The following PIAS1 variants were observed in gnomAD, a reference collection of about 807,000 sequenced individuals.
PIAS1 encodes E3 SUMO-protein ligase PIAS1.
Under a neutral mutation model 71.3 loss-of-function variants are expected in PIAS1, and 6 were observed. The ratio of observed to expected loss-of-function variants is 0.08; its 90% CI spans 0.05 to 0.17. The LOEUF (loss-of-function observed/expected upper bound fraction) is 0.17, where lower values mean the gene tolerates loss of function less well. Ranked by LOEUF, PIAS1 falls within the 10% of genes least tolerant of loss-of-function variation. The pLI, the probability that PIAS1 is intolerant of heterozygous loss-of-function variation, is 1.00. For missense variants in PIAS1, 555 were observed against 793.6 expected (o/e 0.70, Z 3.61); for synonymous variants, 303 against 292.9 (o/e 1.03, Z -0.35).
chr15:68,146,150 G>A (rs2092806447), intron 5 of PIAS1, among the ~76,000 whole-genome samples: 1 of 152,096 alleles, frequency 6.6e-6, no homozygotes, highest in Non-Finnish European at 1.5e-5. Flanking sequence ...TTGGGGCGAA[G>A]TTTTTTCAAC....
At chr15:68,109,115 T>C (rs2092499621) in intron 2 of PIAS1, among the ~76,000 whole-genome samples, 1 of 152,234 alleles carries the variant, frequency 6.6e-6, no homozygotes, top group Admixed American at 6.5e-5. Flanking sequence ...GTCTACTTGC[T>C]GTTTCTCAGA....
rs71455574 is a variant in PIAS1, at chr15:68,088,176, G to GTATATATATATATATATATATATA, written c.469+1428_469+1451dup. Among the ~76,000 whole-genome samples, 105 of 72,932 alleles carry GTATATATATATATATATATATATA rather than the reference G, an allele frequency of 1.4e-3. 3 individuals carry two copies. The highest frequency in any genetic ancestry group is 2.9e-3 in the East Asian group (4 of 1,370). 47.8% of individuals were successfully genotyped at this position (72,932 alleles called of 152,430 possible). ...TTCTTGTCTGTCTGATTATGTGTGT[G>GTATATATATATATATATATATATA]TATATATATATATATATATATATAT... On this transcript the variant is annotated intron_variant, in intron 2 of 13. Coordinates refer to ENST00000249636, the MANE Select transcript of PIAS1 (RefSeq NM_016166.3).
Position 68,167,871 on chromosome 15 carries a change from A to G in PIAS1, c.1008+3067A>G, listed in dbSNP as rs1431065332. On this transcript the variant is annotated intron_variant, in intron 8 of 13. Coordinates refer to ENST00000249636, the MANE Select transcript of PIAS1 (RefSeq NM_016166.3). This position sits in a 1 kb window ranked among gnomAD's most constrained non-coding sequence, Gnocchi z 4.4. ...CAGGTGCACGCCACCACGCCTGGCTAATTTTTTGTATTTTTAGTAGAGATG... is the reference window on the plus strand; with the variant it reads ...CAGGTGCACGCCACCACGCCTGGCTGATTTTTTGTATTTTTAGTAGAGATG... 6.6e-6 allele frequency among the ~76,000 whole-genome samples: 1 copy of G among 151,802 alleles called. No homozygotes were observed. Among genetic ancestry groups the G allele is most frequent in the Non-Finnish European group, 1.5e-5 (1 of 67,966 alleles).
intron 2 of PIAS1, among the ~76,000 whole-genome samples, chr15:68,101,494 G>T (rs1167302250): frequency 6.6e-6 from 1 of 151,850 alleles, no homozygotes; most frequent in Non-Finnish European, 1.5e-5. Context: ...ATCTCACTGT[G>T]TTGCTCAGGC....
chr15:68,145,937 A>G (rs1489611071), intron 5 of PIAS1, 31 bp downstream of exon 5: 2 of 1,198,700 alleles, frequency 1.7e-6, no homozygotes, highest in Non-Finnish European at 2.5e-6. Flanking sequence ...TTTAAAATTC[A>G]TTGCCAACAT....
intron 2 of PIAS1, among the ~76,000 whole-genome samples, chr15:68,131,322 TG>T (rs956192411): frequency 2.0e-5 from 3 of 152,236 alleles, no homozygotes; most frequent in African/African-American, 7.2e-5. Flanking sequence ...TCGACTACCA[TG>T]TGAAATGCTT....
intron 4 of PIAS1, 137 bp downstream of exon 4, chr15:68,142,474 G>A (rs2092778196): frequency 1.6e-6 from 1 of 630,878 alleles, no homozygotes; most frequent in South Asian, 3.1e-5. Context: ...TCAGGAAGGG[G>A]AAATGGAAAA....
chr15:68,126,716 C>T (rs990555816), intron 2 of PIAS1, among the ~76,000 whole-genome samples: 6 of 152,150 alleles, frequency 3.9e-5, no homozygotes, highest in African/African-American at 1.2e-4. Context: ...TGAGCCACCG[C>T]GCCTGGCCTT....
chr15:68,170,591 G>T (rs1382648650), intron 8 of PIAS1, among the ~76,000 whole-genome samples: 2 of 152,076 alleles, frequency 1.3e-5, no homozygotes, highest in Non-Finnish European at 2.9e-5. Flanking sequence ...GTACACTTTG[G>T]CTACAATAAA....
intron 13 of PIAS1, 78 bp downstream of exon 13, chr15:68,183,745 C>T: frequency 1.6e-6 from 1 of 625,426 alleles, no homozygotes; most frequent in Non-Finnish European, 2.9e-6. Flanking sequence ...ACATTTTGGT[C>T]AATGACAGGC....
intron 7 of PIAS1, among the ~76,000 whole-genome samples, chr15:68,155,449 TA>T (rs71937461): frequency 2.5e-3 from 254 of 103,278 alleles, no homozygotes; most frequent in African/African-American, 5.2e-3. Context: ...ATGCTGCCTG[TA>T]AAAAAAAAAA....
In PIAS1 at chr15:68,191,581, GTAAC is replaced by G. The variant is rs143191196; in HGVS notation, c.*3754_*3757del. 447 of 152,776 alleles carry G rather than the reference GTAAC, an allele frequency of 2.9e-3. 4 individuals are homozygous for G. In the East Asian group the frequency reaches 0.04, roughly 14 times the overall value. The allele number at this position is 152,776 out of a possible 1,614,324, so 9.5% of individuals were successfully genotyped here. On this transcript the variant is annotated 3_prime_UTR_variant, in exon 14 of 14. Transcript: ENST00000249636. Reference sequence around the variant, plus strand: ...ATCCAGAGATTTCAAAGCATGACAAGTAACTAACTAATTTTCTTGCAGCATGCTT... The same window carrying G: ...ATCCAGAGATTTCAAAGCATGACAAGTAACTAATTTTCTTGCAGCATGCTT...
intron 12 of PIAS1, among the ~76,000 whole-genome samples, chr15:68,182,487 C>G (rs1285716601): frequency 7.6e-5 from 1 of 13,156 alleles, no homozygotes; most frequent in Admixed American, 7.2e-4. Flanking sequence ...ATTGCTCAGG[C>G]TGCGTGTGTG....
Position 68,176,672 on chromosome 15 carries a change from TA to T in PIAS1, c.1481+28del, listed in dbSNP as rs762569797. 11,595 of 1,322,766 alleles carry T rather than the reference TA, an allele frequency of 8.8e-3. No individual in the cohort carries two copies. Among genetic ancestry groups the T allele is most frequent in the South Asian group, 0.018 (1,176 of 64,908 alleles). The allele number at this position is 1,322,766 out of a possible 1,614,324, so 81.9% of individuals were successfully genotyped here. ...AATAAAGGGTAAGTGCTGAGACATTTAAAAAAAAAAGTAATCATGAAAATTA... is the reference window on the plus strand; with the variant it reads ...AATAAAGGGTAAGTGCTGAGACATTTAAAAAAAAAGTAATCATGAAAATTA... On this transcript the variant is annotated intron_variant, in intron 11 of 13. Coordinates refer to ENST00000249636, the MANE Select transcript of PIAS1 (RefSeq NM_016166.3).
intron 7 of PIAS1, chr15:68,153,906 A>G (rs913067662): frequency 2.3e-5 from 8 of 344,650 alleles, no homozygotes; most frequent in Admixed American, 4.4e-5. Flanking sequence ...GTGCACAAAC[A>G]TGGAAGAATA....
chr15:68,092,536 A>G (rs2092341144), intron 2 of PIAS1, among the ~76,000 whole-genome samples: 1 of 152,186 alleles, frequency 6.6e-6, no homozygotes, highest in Non-Finnish European at 1.5e-5. Context: ...TGAAGGATAG[A>G]ATATCTCCTT....
chr15:68,112,325 C>T (rs188828490), intron 2 of PIAS1, among the ~76,000 whole-genome samples: 112 of 152,250 alleles, frequency 7.4e-4, no homozygotes, highest in African/African-American at 2.6e-3. Flanking sequence ...CTACTTTTCT[C>T]CTAATTTCCC....
At chr15:68,122,438 C>T (rs1313063370) in intron 2 of PIAS1, among the ~76,000 whole-genome samples, 1 of 151,954 alleles carries the variant, frequency 6.6e-6, no homozygotes, top group African/African-American at 2.4e-5. Context: ...CAAGGGAGTC[C>T]TAGGTGGCAA....
chr15:68,141,257 T>C (rs1045981619), intron 2 of PIAS1, among the ~76,000 whole-genome samples: 1 of 152,144 alleles, frequency 6.6e-6, no homozygotes, highest in Non-Finnish European at 1.5e-5. Context: ...CGGCATACTT[T>C]AGAACCCCTG....
Sources: gnomAD v4.1 joint callset for allele counts (sites outside exome capture counted in the v4.1 genomes callset) on GRCh38, gnomAD v4.1.1 for gene constraint, Gnocchi (gnomAD v3.1) non-coding constraint, MANE v1.5 for transcripts, NCBI Gene and HGNC (gene_info 2026-07-23, HGNC 2026-07-21) for gene names.